DISP3: variants seen among roughly 807,000 people sequenced by gnomAD.
DISP3 encodes the protein dispatched RND transporter family member 3.
Under a neutral mutation model 135.3 loss-of-function variants are expected in DISP3, and 101 were observed. The ratio of observed to expected loss-of-function variants is 0.75; its 90% CI spans 0.64 to 0.88. The LOEUF is 0.88. Among genes scored for constraint, DISP3 ranks in the 40% least tolerant of loss-of-function variants. DISP3 has a pLI of 0.00. For missense variants in DISP3, 1,713 were observed against 1,878.6 expected (o/e 0.91, Z 1.63); for synonymous variants, 856 against 817.0 (o/e 1.05, Z -0.81).
Position 11,529,799 on chromosome 1 carries a change from GTC to G in DISP3, c.2947_2948del (p.Ala984HisfsTer52). On this transcript the variant is annotated frameshift_variant, in exon 15 of 21. Coordinates refer to ENST00000294484, the MANE Select transcript of DISP3 (RefSeq NM_020780.2). LOFTEE classifies it high-confidence loss of function. This position sits in a 1 kb window ranked among gnomAD's most constrained non-coding sequence, Gnocchi z 4.7. The stretch of plus-strand genomic sequence containing the variant: ...TCCCTGTTCGCAGTGCCCAAGGCCC[GTC>G]TCTCAGCCACCTTCGGCTTCAACCC... 1 of 1,613,516 alleles carries G rather than the reference GTC, an allele frequency of 6.2e-7. No individual in the cohort carries two copies. The highest frequency in any genetic ancestry group is 8.5e-7 in the Non-Finnish European group (1 of 1,179,840).
rs1317207440 is a variant in DISP3, at chr1:11,483,085, T to C, written c.-4+3713T>C. Among the ~76,000 whole-genome samples the C allele has an allele frequency of 2.5e-4, 38 of 152,220 alleles. No homozygotes were observed. Among genetic ancestry groups the C allele is most frequent in the Admixed American group, 2.5e-3 (38 of 15,288 alleles). The stretch of plus-strand genomic sequence containing the variant: ...CAACAAAGGCCGGAGGCATGGATGC[T>C]GCGGGACCAGTCCAGGGATGGCGGC... On this transcript the variant is annotated intron_variant, in intron 1 of 20. Transcript: ENST00000294484. This position sits in a 1 kb window ranked among gnomAD's most constrained non-coding sequence, Gnocchi z 5.4.
Position 11,536,823 on chromosome 1 carries a change from C to T in DISP3, c.*137C>T, listed in dbSNP as rs1003190042. The T allele has an allele frequency of 3.9e-5, 45 of 1,165,722 alleles. No homozygotes were observed. In the South Asian group the frequency reaches 7.0e-4, roughly 18 times the overall value. The allele number at this position is 1,165,722 out of a possible 1,614,324, so 72.2% of individuals were successfully genotyped here. ...CTGCGGGCCAGCGTGGAGGCTGACA[C>T]CCACACAGATGGTGTGGACCATGCT... is the stretch of plus-strand genomic sequence containing the variant. On this transcript the variant is annotated 3_prime_UTR_variant, in exon 21 of 21. Coordinates refer to ENST00000294484, the MANE Select transcript of DISP3 (RefSeq NM_020780.2). The surrounding 1 kb of genome is among the most constrained non-coding windows in gnomAD (Gnocchi z 4.3).
intron 5 of DISP3, 102 bp downstream of exon 5, chr1:11,515,605 C>T: frequency 6.8e-7 from 1 of 1,467,526 alleles, no homozygotes; most frequent in Non-Finnish European, 9.1e-7. Flanking sequence ...GGGGGCTCTA[C>T]ACAGCGCCTG....
intron 7 of DISP3, among the ~76,000 whole-genome samples, chr1:11,518,879 G>A (rs561751045): frequency 2.0e-4 from 30 of 152,276 alleles, no homozygotes; most frequent in Admixed American, 5.2e-4. Context: ...CGTATCAGCC[G>A]TGAGGATTAT....
At chr1:11,518,810 G>A (rs952696650) in intron 7 of DISP3, among the ~76,000 whole-genome samples, 3 of 152,040 alleles carry the variant, frequency 2.0e-5, no homozygotes, top group African/African-American at 7.2e-5. Context: ...GATAATCCAC[G>A]CAGGGCTCCC....
rs1316080341 is a variant in DISP3 at position 11,534,383 on chromosome 1, C to T, written c.3378C>T (p.Thr1126=). 6.2e-7 allele frequency: 1 copy of T among 1,614,252 alleles called. No homozygotes were observed. Among genetic ancestry groups the T allele is most frequent in the South Asian group, 1.1e-5 (1 of 91,080 alleles). The part of the protein sequence containing the change: ...VQWISMAFES[T]TYKGKSSFQT... ...CTAGCTCACATCTCTCCCCACAGAC[C>T]ACGTACAAGGGCAAATCCTCCTTCC... The change falls in exon 18 of 21, where the codon ACC becomes ACT. Residue 1126 remains threonine (T), a splice_region_variant and synonymous_variant. Coordinates refer to ENST00000294484, the MANE Select transcript of DISP3 (RefSeq NM_020780.2).
chr1:11,515,315 T>G lies in DISP3; in HGVS notation c.1454-54T>G, dbSNP rs1406220052. The G allele has an allele frequency of 3.7e-6, 6 of 1,603,666 alleles. No individual in the cohort carries two copies. In the Admixed American group the frequency reaches 6.7e-5, roughly 18 times the overall value. ...CTGAGGTCAGGGACTCTAGTGGGGT[T>G]TGTGTCCCATGAGGGTCCCCCCACC... On this transcript the variant is annotated intron_variant, in intron 4 of 20. Coordinates refer to ENST00000294484, the MANE Select transcript of DISP3 (RefSeq NM_020780.2).
intron 10 of DISP3, among the ~76,000 whole-genome samples, chr1:11,523,241 A>T (rs1642299020): frequency 6.6e-6 from 1 of 152,190 alleles, no homozygotes; most frequent in South Asian, 2.1e-4. Context: ...TTTCTAATTT[A>T]AAAAACCCAA....
rs768925709 is a variant in DISP3 at position 11,501,786 on chromosome 1, C to A, written c.794C>A (p.Ala265Asp). The stretch of plus-strand genomic sequence containing the variant: ...GACTACTCGCGCGCCTATGTGAGTG[C>A]CAACACTCAGACGCACGCGCACTGG... ...RWDYSRAYVS[A>D]NTQTHAHWRI... Residue 265 changes from alanine (A) to aspartate (D), a missense_variant, in exon 2 of 21, where the codon GCC becomes GAC. Coordinates refer to ENST00000294484, the MANE Select transcript of DISP3 (RefSeq NM_020780.2). This position sits in a 1 kb window ranked among gnomAD's most constrained non-coding sequence, Gnocchi z 4.9. The A allele has an allele frequency of 7.5e-6, 12 of 1,599,774 alleles. No homozygotes were observed. In the Admixed American group the frequency reaches 1.5e-4, roughly 20 times the overall value.
rs186541733 is a variant in DISP3, at chr1:11,518,171, G to A, written c.1889+569G>A. Among the ~76,000 whole-genome samples, 189 of 152,312 alleles carry A rather than the reference G, an allele frequency of 1.2e-3. 1 individual carries two copies. In the South Asian group the frequency reaches 0.015, roughly 12 times the overall value. On this transcript the variant is annotated intron_variant, in intron 7 of 20. Transcript: ENST00000294484. ...GGAGTTGAATCAGGCCTGGGTGGCT[G>A]CCTGGGGTTGGGAGGATGGAGGGTC...
Position 11,522,138 on chromosome 1 carries a change from G to A in DISP3, c.2362+1290G>A, listed in dbSNP as rs576442538. Among the ~76,000 whole-genome samples, 5 of 152,290 alleles carry A rather than the reference G, an allele frequency of 3.3e-5. No homozygotes were observed. In the South Asian group the frequency reaches 1.0e-3, roughly 32 times the overall value. ...GATTTTGAGGTAGCTGGCCCAGGCC[G>A]CATTTTACAGAGGGGGAGCAGGCGA... On this transcript the variant is annotated intron_variant, in intron 10 of 20. Transcript: ENST00000294484.
intron 19 of DISP3, 24 bp downstream of exon 19, chr1:11,535,148 G>A (rs756983957): frequency 1.3e-6 from 2 of 1,567,314 alleles, no homozygotes; most frequent in South Asian, 1.2e-5. Flanking sequence ...GGGCTGGCAG[G>A]CACCCTGCTG....
At chr1:11,535,453 T>C in intron 19 of DISP3, 25 bp from the exon 20 acceptor site, 1 of 1,586,128 alleles carries the variant, frequency 6.3e-7, no homozygotes. Flanking sequence ...GGATCCGAGC[T>C]GCCCCCCCTG....
intron 12 of DISP3, 34 bp from the exon 13 acceptor site, chr1:11,526,617 T>C: frequency 6.3e-7 from 1 of 1,594,066 alleles, no homozygotes; most frequent in Non-Finnish European, 8.6e-7. Context: ...CCCCCCCGAG[T>C]CATGTGTCTT....
intron 1 of DISP3, among the ~76,000 whole-genome samples, chr1:11,484,574 G>GAGA (rs972987192): frequency 9.9e-5 from 15 of 152,230 alleles, no homozygotes; most frequent in African/African-American, 3.6e-4. Flanking sequence ...ACTCAGGGGA[G>GAGA]AGAAGATGCT....
chr1:11,510,330 C>T (rs1187877047), intron 3 of DISP3, among the ~76,000 whole-genome samples: 1 of 151,630 alleles, frequency 6.6e-6, no homozygotes, highest in African/African-American at 2.4e-5. Flanking sequence ...TATGTTGTAA[C>T]TCTTTTAGTA....
rs1184606477 is a variant in DISP3 at position 11,529,965 on chromosome 1, G to T, written c.3102+6G>T. The stretch of plus-strand genomic sequence containing the variant: ...ACCACGTCATTGGAGACCCGGTACG[G>T]GGCATGCGTCGGGCAGATGCCGAGG... On this transcript the variant is annotated splice_donor_region_variant and intron_variant, in intron 15 of 20. Coordinates refer to ENST00000294484, the MANE Select transcript of DISP3 (RefSeq NM_020780.2). This position sits in a 1 kb window ranked among gnomAD's most constrained non-coding sequence, Gnocchi z 4.7. The T allele has an allele frequency of 6.2e-7, 1 of 1,610,956 alleles. No homozygotes were observed. Among genetic ancestry groups the T allele is most frequent in the South Asian group, 1.1e-5 (1 of 91,030 alleles).
intron 1 of DISP3, among the ~76,000 whole-genome samples, chr1:11,487,650 C>T (rs952990517): frequency 3.3e-5 from 5 of 152,238 alleles, no homozygotes; most frequent in African/African-American, 1.2e-4. Flanking sequence ...AGCTGCTTCC[C>T]CCGTCCTGGA....
intron 1 of DISP3, among the ~76,000 whole-genome samples, chr1:11,488,121 T>G (rs1641088610): frequency 6.6e-6 from 1 of 152,106 alleles, no homozygotes. Context: ...TCTCCTGGCC[T>G]TTGGGGCTGG....
Sources: gnomAD v4.1 joint callset for allele counts (sites outside exome capture counted in the v4.1 genomes callset) on GRCh38, gnomAD v4.1.1 for gene constraint, Gnocchi (gnomAD v3.1) non-coding constraint, MANE v1.5 for transcripts, NCBI Gene and HGNC (gene_info 2026-07-23, HGNC 2026-07-21) for gene names.